The following SLC1A3 variants were observed in gnomAD, a reference collection of about 807,000 sequenced individuals.
SLC1A3 encodes the protein solute carrier family 1 member 3, also known as excitatory amino acid transporter 1.
In SLC1A3, 21 loss-of-function variants were observed where a neutral mutation model predicts 48.1. The ratio of observed to expected loss-of-function variants is 0.44; its 90% CI spans 0.31 to 0.63. SLC1A3 has a LOEUF of 0.63. SLC1A3 is among the 20% of genes least tolerant of loss of function. The probability of loss-of-function intolerance (pLI) is 0.08; values close to 1 mark genes in which losing one functional copy is unlikely to be tolerated. For synonymous variants in SLC1A3, 239 were observed against 251.4 expected (o/e 0.95, Z 0.47); for missense variants, 546 against 689.0 (o/e 0.79, Z 2.32).
chr5:36,629,508 C>A lies in SLC1A3; in HGVS notation c.240C>A (p.Tyr80Ter). The change falls in exon 3 of 10, where the codon TAC (tyrosine) becomes TAA (stop). Residue 80 changes from tyrosine (Y) to a stop codon, truncating the protein, a stop_gained. Coordinates refer to ENST00000265113, the MANE Select transcript of SLC1A3 (RefSeq NM_004172.5). LOFTEE classifies it high-confidence loss of function. ...PYRMSYREVK[Y>*]FSFPGELLMR... ...GAATGAGCTACCGGGAAGTCAAGTA[C>A]TTCTCCTTTCCTGGGGAACTTCTGA... is the stretch of plus-strand genomic sequence containing the variant. 6.2e-7 allele frequency: 1 copy of A among 1,611,282 alleles called. No individual in the cohort carries two copies. Among genetic ancestry groups the A allele is most frequent in the East Asian group, 2.2e-5 (1 of 44,780 alleles).
Position 36,629,475 on chromosome 5 carries a change from A to G in SLC1A3, c.207A>G (p.Arg69=), listed in dbSNP as rs1579969234. The G allele has an allele frequency of 6.2e-7, 1 of 1,608,378 alleles. No individual in the cohort carries two copies. The highest frequency in any genetic ancestry group is 2.2e-5 in the East Asian group (1 of 44,734). Residue 69 remains arginine, a synonymous_variant, in exon 3 of 10, where the codon CGA becomes CGG. Transcript: ENST00000265113. ...IVGTILGFTL[R]PYRMSYREVK... is the part of the protein sequence containing the mutation. Reference sequence around the variant, plus strand: ...GTACAATCCTTGGATTTACCCTCCGACCATACAGAATGAGCTACCGGGAAG... The same window carrying G: ...GTACAATCCTTGGATTTACCCTCCGGCCATACAGAATGAGCTACCGGGAAG...
At chr5:36,657,402 G>A (rs764499786) in intron 3 of SLC1A3, among the ~76,000 whole-genome samples, 15 of 152,132 alleles carry the variant, frequency 9.9e-5, no homozygotes, top group Admixed American at 2.0e-4. Flanking sequence ...TAAAAATCAC[G>A]AAGTGTCTTT....
intron 2 of SLC1A3, chr5:36,613,511 T>A (rs1273657070): frequency 6.6e-6 from 1 of 152,438 alleles, no homozygotes; most frequent in South Asian, 2.1e-4. Flanking sequence ...AATAGCCAAC[T>A]GCTTGAGTTC....
At chr5:36,599,444 A>G (rs1186999337) in intron 1 of SLC1A3, among the ~76,000 whole-genome samples, 1 of 150,818 alleles carries the variant, frequency 6.6e-6, no homozygotes, top group Non-Finnish European at 1.5e-5. Flanking sequence ...ATTGCCACCT[A>G]CGTCCCTAGG....
chr5:36,629,663 T>C, intron 3 of SLC1A3, 76 bp downstream of exon 3: 1 of 1,307,290 alleles, frequency 7.6e-7, no homozygotes, highest in East Asian at 2.3e-5. Flanking sequence ...GAAAAGCCAG[T>C]GCTTTAGGTT....
At chr5:36,625,554 A>G (rs1006905654) in intron 2 of SLC1A3, among the ~76,000 whole-genome samples, 3 of 152,354 alleles carry the variant, frequency 2.0e-5, no homozygotes, top group African/African-American at 4.8e-5. Flanking sequence ...TAAGGGCTCA[A>G]TAAATTTTCC....
Position 36,635,589 on chromosome 5 carries a change from C to T in SLC1A3, c.319+6002C>T, listed in dbSNP as rs114349166. Among the ~76,000 whole-genome samples, 1,059 of 152,256 alleles carry T rather than the reference C, an allele frequency of 7.0e-3. 10 individuals are homozygous for T. Among genetic ancestry groups the T allele is most frequent in the Non-Finnish European group, 8.2e-3 (555 of 68,018 alleles). On this transcript the variant is annotated intron_variant, in intron 3 of 9. Coordinates refer to ENST00000265113, the MANE Select transcript of SLC1A3 (RefSeq NM_004172.5). ...CTGGAAGGGATAGGTTTCTGCCCTGCGGCATGGAATTCGATTACCTTATCA... is the reference window on the plus strand; with the variant it reads ...CTGGAAGGGATAGGTTTCTGCCCTGTGGCATGGAATTCGATTACCTTATCA...
intron 3 of SLC1A3, among the ~76,000 whole-genome samples, chr5:36,653,974 G>C (rs1337593715): frequency 6.6e-6 from 1 of 152,196 alleles, no homozygotes; most frequent in East Asian, 1.9e-4. Flanking sequence ...CTCCTGAGTA[G>C]TTGGGATTAC....
Position 36,680,605 on chromosome 5 carries a change from T to A in SLC1A3, c.1289+16T>A. On this transcript the variant is annotated intron_variant, in intron 8 of 9. Coordinates refer to ENST00000265113, the MANE Select transcript of SLC1A3 (RefSeq NM_004172.5). Reference sequence around the variant, plus strand: ...TTACAATCAGGTACAAGGAAAGAGTTCTATACACCCTTTCTTAAGAATGCC... The same window carrying A: ...TTACAATCAGGTACAAGGAAAGAGTACTATACACCCTTTCTTAAGAATGCC... 1 of 1,598,396 alleles carries A rather than the reference T, an allele frequency of 6.3e-7. No homozygotes were observed. Among genetic ancestry groups the A allele is most frequent in the South Asian group, 1.1e-5 (1 of 90,756 alleles).
At chr5:36,626,733 C>G (rs993879470) in intron 2 of SLC1A3, among the ~76,000 whole-genome samples, 1 of 152,156 alleles carries the variant, frequency 6.6e-6, no homozygotes, top group Non-Finnish European at 1.5e-5. Flanking sequence ...TGTGACTTGG[C>G]TTTTATGTGA....
At position 36,688,303 on chromosome 5, in the gene SLC1A3, T is replaced by C. The variant is rs956842707; in HGVS notation, c.*2034T>C. The C allele has an allele frequency of 1.3e-5, 2 of 152,256 alleles. No individual in the cohort carries two copies. The highest frequency in any genetic ancestry group is 4.8e-5 in the African/African-American group (2 of 41,466). The allele number at this position is 152,256 out of a possible 1,614,324, so 9.4% of individuals were successfully genotyped here. A position where few individuals can be genotyped will look rare whatever the true frequency, so the allele number is the denominator to read the frequency against. On this transcript the variant is annotated 3_prime_UTR_variant, in exon 10 of 10. Coordinates refer to ENST00000265113, the MANE Select transcript of SLC1A3 (RefSeq NM_004172.5). Reference sequence around the variant, plus strand: ...GGGAAGCATTACTTTGTAGATGTATTTTCAATAAAGAAAAAAATAGTTTTA... The same window carrying C: ...GGGAAGCATTACTTTGTAGATGTATCTTCAATAAAGAAAAAAATAGTTTTA...
intron 2 of SLC1A3, 54 bp downstream of exon 2, chr5:36,608,658 C>T: frequency 6.2e-7 from 1 of 1,605,430 alleles, no homozygotes; most frequent in Non-Finnish European, 8.5e-7. Flanking sequence ...TCTGGGGCAT[C>T]TGGCTGCCCG....
chr5:36,603,527 T>C (rs2731881), upstream of SLC1A3, among the ~76,000 whole-genome samples: 78,982 of 152,114 alleles, frequency 0.52, 21,105 homozygotes, highest in African/African-American at 0.65. Context: ...TGTTTTTAGG[T>C]TTCATATGAC....
intron 3 of SLC1A3, chr5:36,629,837 C>T (rs953438841): frequency 4.2e-6 from 2 of 481,410 alleles, no homozygotes; most frequent in Non-Finnish European, 7.6e-6. Flanking sequence ...TCACAGTGAA[C>T]GAGGTGCCCT....
intron 9 of SLC1A3, among the ~76,000 whole-genome samples, chr5:36,685,063 A>G (rs1561287861): frequency 6.6e-6 from 1 of 152,228 alleles, no homozygotes; most frequent in Non-Finnish European, 1.5e-5. Flanking sequence ...CATTTGATCT[A>G]TATGGGTTGT....
At position 36,609,190 on chromosome 5, in the gene SLC1A3, C is replaced by T. The variant is rs982749156; in HGVS notation, c.181+586C>T. On this transcript the variant is annotated intron_variant, in intron 2 of 9. Transcript: ENST00000265113. ...CATTGCTTTGCAGAGCCTGCCATAA[C>T]CAGCTATACCTTTTTTTGAATCATT... 3.1e-6 allele frequency: 3 copies of T among 982,906 alleles called. 1 individual carries two copies. In the African/African-American group the frequency reaches 5.2e-5, roughly 17 times the overall value. 60.9% of individuals were successfully genotyped at this position (982,906 alleles called of 1,614,324 possible). A position where few individuals can be genotyped will look rare whatever the true frequency, so the allele number is the denominator to read the frequency against.
intron 3 of SLC1A3, among the ~76,000 whole-genome samples, chr5:36,646,419 A>C (rs1193881514): frequency 6.6e-6 from 1 of 152,254 alleles, no homozygotes; most frequent in African/African-American, 2.4e-5. Flanking sequence ...ATATAAACAC[A>C]ATATCCAAAC....
chr5:36,636,969 T>C (rs1028963695), intron 3 of SLC1A3, among the ~76,000 whole-genome samples: 4 of 152,174 alleles, frequency 2.6e-5, no homozygotes, highest in African/African-American at 7.2e-5. Context: ...GTCCACCTAT[T>C]GGTCCTAATT....
At chr5:36,598,023 C>T (rs1738764670) in intron 1 of SLC1A3, among the ~76,000 whole-genome samples, 1 of 152,182 alleles carries the variant, frequency 6.6e-6, no homozygotes, top group Non-Finnish European at 1.5e-5. Flanking sequence ...CCTTCTGTAT[C>T]CCACCTTCCC....
Sources: allele counts gnomAD v4.1 joint callset (sites outside exome capture counted in the v4.1 genomes callset), GRCh38; gene constraint gnomAD v4.1.1; transcripts MANE v1.5; gene names NCBI Gene and HGNC (gene_info 2026-07-23, HGNC 2026-07-21).